The following KLF10 variants were observed in gnomAD, a reference collection of about 807,000 sequenced individuals.
KLF10 encodes the protein KLF transcription factor 10, also known as Krueppel-like factor 10.
A neutral mutation model predicts 31.6 loss-of-function variants in KLF10; 17 were observed. That is an observed-to-expected ratio of 0.54 (90% confidence interval 0.37 to 0.81). The LOEUF is 0.81. KLF10 is among the 30% of genes least tolerant of loss of function. KLF10 has a pLI of 0.00. For synonymous variants in KLF10, 239 were observed against 215.1 expected, an observed-to-expected ratio of 1.11 and a Z score of -0.97; for missense variants, 525 against 598.1, an observed-to-expected ratio of 0.88 and a Z score of 1.27.
At position 102,650,363 on chromosome 8, in the gene KLF10, T is replaced by C. The variant is rs759143163; in HGVS notation, c.1212A>G (p.Lys404=). Residue 404 remains lysine, a synonymous_variant, in exon 4 of 4, where the codon AAA becomes AAG. Coordinates refer to ENST00000285407, the MANE Select transcript of KLF10 (RefSeq NM_005655.4). ...TGEKPFSCSW[K]GCERRFARSD... ...AACGGGCAAACCTCCTTTCACAACC[T>C]TTCCAGCTACAGCTGAAAGGCTTTT... is the stretch of plus-strand genomic sequence containing the variant. 2 of 1,614,012 alleles carry C rather than the reference T, an allele frequency of 1.2e-6. No homozygotes were observed. The highest frequency in any genetic ancestry group is 4.5e-5 in the East Asian group (2 of 44,890).
intron 1 of KLF10, 60 bp from the exon 2 acceptor site, chr8:102,652,457 GA>G: frequency 1.3e-6 from 1 of 762,148 alleles, no homozygotes; most frequent in Non-Finnish European, 1.9e-6. Context: ...ATGACACACA[GA>G]AAAATGAGCA....
intron 3 of KLF10, 24 bp downstream of exon 3, chr8:102,651,125 A>AT: frequency 4.7e-6 from 7 of 1,486,206 alleles, no homozygotes; most frequent in Non-Finnish European, 6.3e-6. Context: ...TTTAAACACT[A>AT]AAGATATAAG....
At chr8:102,650,471 A>G in intron 3 of KLF10, 80 bp from the exon 4 acceptor site, 4 of 1,349,254 alleles carry the variant, frequency 3.0e-6, no homozygotes, top group Non-Finnish European at 3.0e-6. Flanking sequence ...AAAGTATATG[A>G]GAAGATACAT....
chr8:102,653,817 G>A (rs535859812), intron 1 of KLF10: 332 of 1,043,922 alleles, frequency 3.2e-4, no homozygotes, highest in Non-Finnish European at 3.2e-4. Flanking sequence ...AGGGAAACAG[G>A]GAGGGGAGGA....
chr8:102,652,470 A>AT lies in KLF10; in HGVS notation c.37-74dup, dbSNP rs10639139. On this transcript the variant is annotated intron_variant, in intron 1 of 3. Transcript: ENST00000285407. ...AAATGACACACAGAAAAATGAGCAA[A>AT]TTTTTTTTTTTTTTTTTTTTACAAC... 147,117 of 485,146 alleles carry AT rather than the reference A, an allele frequency of 0.3. 11,401 individuals are homozygous for AT. The highest frequency in any genetic ancestry group is 0.38 in the African/African-American group (18,075 of 48,096). 30.1% of individuals were successfully genotyped at this position (485,146 alleles called of 1,614,324 possible).
rs746050910 is a variant in KLF10 at position 102,651,896 on chromosome 8, T to C, written c.436A>G (p.Lys146Glu). The C allele has an allele frequency of 2.4e-5, 39 of 1,613,938 alleles. No individual in the cohort carries two copies. The South Asian group carries it at 4.3e-4, about 18-fold the overall frequency. Residue 146 changes from lysine to glutamate, a missense_variant, in exon 3 of 4, where the codon AAA (lysine) becomes GAA (glutamate). Physicochemically the swap from Lys to Glu is moderately conservative, Grantham distance 56. Coordinates refer to ENST00000285407, the MANE Select transcript of KLF10 (RefSeq NM_005655.4). ...CTTGTTGCCTGAGCTTTGGGGAGTT[T>C]GGGGGCAGATACTGGGCTCTTTTCT... ...EEEKSPVSAP[K>E]LPKAQATSVI...
chr8:102,654,761 C>T (rs947897047), intron 1 of KLF10, among the ~76,000 whole-genome samples: 1 of 151,822 alleles, frequency 6.6e-6, no homozygotes, highest in African/African-American at 2.4e-5. Context: ...GTCTCGCGGC[C>T]CAGCTCCCCC....
At chr8:102,650,986 G>GT (rs1827194750) in intron 3 of KLF10, among the ~76,000 whole-genome samples, 163 bp downstream of exon 3, 1 of 152,156 alleles carries the variant, frequency 6.6e-6, no homozygotes, top group African/African-American at 2.4e-5. Context: ...TATGGCACTC[G>GT]TGAGCGGCCT....
chr8:102,655,551 C>T lies in KLF10; in HGVS notation c.36+15G>A. 3 of 1,614,158 alleles carry T rather than the reference C, an allele frequency of 1.9e-6. No homozygotes were observed. The highest frequency in any genetic ancestry group is 1.7e-5 in the Admixed American group (1 of 60,022). ...ACCAGGCGAGGAAGCACAGGGGCATCCCCAAATGACTTACCGCAGTCTGCT... is the reference window on the plus strand; with the variant it reads ...ACCAGGCGAGGAAGCACAGGGGCATTCCCAAATGACTTACCGCAGTCTGCT... On this transcript the variant is annotated intron_variant, in intron 1 of 3. Coordinates refer to ENST00000285407, the MANE Select transcript of KLF10 (RefSeq NM_005655.4).
At chr8:102,654,225 C>T (rs1321244251) in intron 1 of KLF10, 1 of 147,620 alleles carries the variant, frequency 6.8e-6, no homozygotes, top group Non-Finnish European at 1.5e-5. Context: ...CCCCCGCCCG[C>T]GCCCGACCCG....
At position 102,650,045 on chromosome 8, in the gene KLF10, C is replaced by T; in HGVS notation, c.*87G>A. On this transcript the variant is annotated 3_prime_UTR_variant, in exon 4 of 4. Transcript: ENST00000285407. ...TCTGCTTTAAGCCCACGTTGTGGGG[C>T]CACAGACTTGCAGTGGAAGCATTTT... 6.6e-7 allele frequency: 1 copy of T among 1,505,534 alleles called. No individual in the cohort carries two copies. 93.3% of individuals were successfully genotyped at this position (1,505,534 alleles called of 1,614,324 possible).
chr8:102,655,510 TG>T, intron 1 of KLF10, 55 bp downstream of exon 1: 1 of 1,609,044 alleles, frequency 6.2e-7, no homozygotes, highest in Non-Finnish European at 8.5e-7. Context: ...GCGCCCCCTT[TG>T]GCCCCCCAGA....
At chr8:102,653,820 G>A (rs1339877758) in intron 1 of KLF10, 5 of 1,035,352 alleles carry the variant, frequency 4.8e-6, no homozygotes, top group African/African-American at 3.4e-5. Context: ...GAAACAGGGA[G>A]GGGAGGAAAG....
In KLF10 at chr8:102,651,325, G is replaced by C. The variant is rs778787697; in HGVS notation, c.1007C>G (p.Pro336Arg). ...AATGGGAGAGAGTCTGGTGCCATTC[G>C]GGCTCACCACCGGAGGCTTTGAACT... The part of the protein sequence containing the change: ...VQSSKPPVVS[P>R]NGTRLSPIAP... Residue 336 changes from proline (P) to arginine (R), a missense_variant, in exon 3 of 4, where the codon CCG becomes CGG. Coordinates refer to ENST00000285407, the MANE Select transcript of KLF10 (RefSeq NM_005655.4). 4 of 1,598,450 alleles carry C rather than the reference G, an allele frequency of 2.5e-6. No homozygotes were observed. The highest frequency in any genetic ancestry group is 2.7e-5 in the African/African-American group (2 of 74,340).
At chr8:102,654,761 C>G (rs947897047) in intron 1 of KLF10, among the ~76,000 whole-genome samples, 59 of 151,822 alleles carry the variant, frequency 3.9e-4, no homozygotes, top group African/African-American at 1.4e-3. Context: ...GTCTCGCGGC[C>G]CAGCTCCCCC....
chr8:102,651,998 G>A lies in KLF10; in HGVS notation c.334C>T (p.Pro112Ser), dbSNP rs145387743. Residue 112 changes from proline (P) to serine (S), a missense_variant, in exon 3 of 4, where the codon CCA becomes TCA. Transcript: ENST00000285407. ...TTGAAGTGTACAGTAGATGGCGCTG[G>A]TGCCATCAGATTTGACACTTGAGAG... ...EPSQVSNLMA[P>S]APSTVHFKSL... 1.5e-4 allele frequency: 245 copies of A among 1,613,856 alleles called. 2 individuals are homozygous for A. In the Middle Eastern group the frequency reaches 2.8e-3, roughly 18 times the overall value.
intron 1 of KLF10, chr8:102,654,380 G>T (rs1827306506): frequency 6.6e-6 from 1 of 150,790 alleles, no homozygotes. Flanking sequence ...GGAACCGACA[G>T]CGGGGCCGGG....
chr8:102,653,696 G>A (rs2131083066), intron 1 of KLF10: 3 of 1,260,902 alleles, frequency 2.4e-6, no homozygotes, highest in Non-Finnish European at 2.0e-6. Flanking sequence ...CTTTATGTAA[G>A]CTGCAATGGA....
chr8:102,652,216 T>C lies in KLF10; in HGVS notation c.218A>G (p.Glu73Gly). 1 of 1,610,608 alleles carries C rather than the reference T, an allele frequency of 6.2e-7. No homozygotes were observed. ...TGTTCCCGGAAGCAGATTCTCTTCCTCTGACAAATCAGATACTGGTGTAAC... is the reference window on the plus strand; with the variant it reads ...TGTTCCCGGAAGCAGATTCTCTTCCCCTGACAAATCAGATACTGGTGTAAC... ...RPVTPVSDLS[E>G]EENLLPGTPD... The change falls in exon 2 of 4, where the codon GAG (glutamate) becomes GGG (glycine). Residue 73 changes from glutamate (E) to glycine (G), a missense_variant. By Grantham distance (98) the Glu-to-Gly change is moderately conservative (BLOSUM62 -2). Around this residue, in one of 3 missense-constraint regions of KLF10, gnomAD observed 434 missense variants for 450.7 expected, o/e 0.96. Transcript: ENST00000285407.
Sources: allele counts gnomAD v4.1 joint callset (sites outside exome capture counted in the v4.1 genomes callset), GRCh38; gene constraint gnomAD v4.1.1; regional missense constraint gnomAD v4.1.1; transcripts MANE v1.5; gene names NCBI Gene and HGNC (gene_info 2026-07-23, HGNC 2026-07-21).